The following SH3BP2 variants were observed in gnomAD, a reference collection of about 807,000 sequenced individuals.
SH3BP2 encodes the protein SH3 domain-binding protein 2.
In SH3BP2, 38 loss-of-function variants were observed where a neutral mutation model predicts 56.2. That is an observed-to-expected ratio of 0.68 (90% CI 0.52 to 0.89). SH3BP2 has a LOEUF of 0.89. SH3BP2 is among the 40% of genes least tolerant of loss of function. SH3BP2 has a pLI of 0.00. For missense variants in SH3BP2, 748 were observed against 762.6 expected (o/e 0.98, Z 0.23); for synonymous variants, 346 against 316.7 (o/e 1.09, Z -0.98).
intron 5 of SH3BP2, among the ~76,000 whole-genome samples, chr4:2,825,774 T>A (rs1724581884): frequency 6.6e-6 from 1 of 152,136 alleles, no homozygotes; most frequent in African/African-American, 2.4e-5. Context: ...GCACTTTGGG[T>A]TCCCAGCCCC....
chr4:2,830,139 G>T lies in SH3BP2; in HGVS notation c.1233G>T (p.Pro411=), dbSNP rs752967350. 29 of 1,600,248 alleles carry T rather than the reference G, an allele frequency of 1.8e-5. No individual in the cohort carries two copies. In the South Asian group the frequency reaches 3.2e-4, roughly 18 times the overall value. Residue 411 remains proline, a synonymous_variant, in exon 8 of 13, where the codon CCG becomes CCT. Transcript: ENST00000503393. The part of the protein sequence containing the change: ...VLPRPEKPQL[P]HLQRSPPDGQ... ...CCAGGCCAGAGAAGCCGCAGCTCCC[G>T]CACCTCCAGTGAGTTTGTGTGGCGG...
At chr4:2,816,101 C>T (rs1485347918) in intron 1 of SH3BP2, among the ~76,000 whole-genome samples, 3 of 151,992 alleles carry the variant, frequency 2.0e-5, no homozygotes, top group Admixed American at 6.6e-5. Flanking sequence ...GTTCCCCAGG[C>T]TGGAGTGCAA....
rs570717180 is a variant in SH3BP2, at chr4:2,832,238, G to A, written c.1407-93G>A. 130 of 1,186,638 alleles carry A rather than the reference G, an allele frequency of 1.1e-4. No individual in the cohort carries two copies. The Middle Eastern group carries it at 1.3e-3, about 12-fold the overall frequency. The allele number at this position is 1,186,638 out of a possible 1,614,324, so 73.5% of individuals were successfully genotyped here. A position where few individuals can be genotyped will look rare whatever the true frequency, so the allele number is the denominator to read the frequency against. On this transcript the variant is annotated intron_variant, in intron 10 of 12. Transcript: ENST00000503393. ...GCTCCTGAGACCTACAACAGCGAGAGGACAGAAAGCCAGGCTTGGGAGCGG... is the reference window on the plus strand; with the variant it reads ...GCTCCTGAGACCTACAACAGCGAGAAGACAGAAAGCCAGGCTTGGGAGCGG...
At chr4:2,833,408 G>C (rs1725105172) in intron 12 of SH3BP2, 4 of 580,298 alleles carry the variant, frequency 6.9e-6, no homozygotes. Context: ...CACAGTGCTG[G>C]GATTACAGGC....
In SH3BP2 at chr4:2,829,669, A is replaced by C; in HGVS notation, c.763A>C (p.Lys255Gln). 1 of 1,611,542 alleles carries C rather than the reference A, an allele frequency of 6.2e-7. No homozygotes were observed. Among genetic ancestry groups the C allele is most frequent in the Non-Finnish European group, 8.5e-7 (1 of 1,179,518 alleles). ...PDVGLAAEDS[K>Q]RDPLCPRRAE... ...TGTTGGCCTGGCTGCTGAGGACTCC[A>C]AGAGGGACCCACTGTGCCCGAGGCG... is the stretch of plus-strand genomic sequence containing the variant. The change falls in exon 8 of 13, where the codon AAG becomes CAG. Residue 255 changes from lysine (K) to glutamine (Q), a missense_variant. This residue lies in a region of SH3BP2 where 635 missense variants were observed against 615.0 expected (regional missense o/e 1.03). Coordinates refer to ENST00000503393, the MANE Select transcript of SH3BP2 (RefSeq NM_001122681.2). This position sits in a 1 kb window ranked among gnomAD's most constrained non-coding sequence, Gnocchi z 4.9.
At chr4:2,823,642 C>A in intron 3 of SH3BP2, 1 of 404,824 alleles carries the variant, frequency 2.5e-6, no homozygotes. Context: ...GGGGCCCACA[C>A]AAAGGGTTAA....
intron 1 of SH3BP2, among the ~76,000 whole-genome samples, chr4:2,794,566 TTA>T: frequency 6.6e-6 from 1 of 152,260 alleles, no homozygotes; most frequent in East Asian, 1.9e-4. Flanking sequence ...GTGCCCTGCG[TTA>T]GGCACACCCT....
At chr4:2,813,524 C>A (rs1318716779) in intron 1 of SH3BP2, among the ~76,000 whole-genome samples, 1 of 152,120 alleles carries the variant, frequency 6.6e-6, no homozygotes, top group Non-Finnish European at 1.5e-5. Context: ...TCAGGTGGAC[C>A]CTGGTCGATT....
At chr4:2,825,254 ACCCGGGTGTCCGCCTCCCAGC>A in intron 5 of SH3BP2, 58 bp downstream of exon 5, 1 of 1,403,228 alleles carries the variant, frequency 7.1e-7, no homozygotes, top group East Asian at 2.5e-5. Context: ...CCTGGGCCTG[ACCCGGGTGTCCGCCTCCCAGC>A]CCCGGGCTTG....
chr4:2,797,672 C>T (rs1412943464), intron 1 of SH3BP2, among the ~76,000 whole-genome samples: 13 of 152,202 alleles, frequency 8.5e-5, no homozygotes, highest in Non-Finnish European at 2.9e-5. Context: ...CTATGGCCAC[C>T]ATGCATGTTG....
rs1334993387 is a variant in SH3BP2, at chr4:2,801,910, C to A, written c.-5+8772C>A. On this transcript the variant is annotated intron_variant, in intron 1 of 12. Coordinates refer to ENST00000503393, the MANE Select transcript of SH3BP2 (RefSeq NM_001122681.2). ...ATTAGTTGAGGTCAGGAGTTCAAGA[C>A]CAGCCTGACCACCGTGGTGAAACCC... Among the ~76,000 whole-genome samples the A allele has an allele frequency of 3.3e-5, 5 of 152,018 alleles. No homozygotes were observed. In the East Asian group the frequency reaches 7.7e-4, roughly 23 times the overall value.
intron 1 of SH3BP2, chr4:2,812,483 T>C (rs1723791997): frequency 6.5e-7 from 1 of 1,548,692 alleles, no homozygotes; most frequent in Non-Finnish European, 8.7e-7. Context: ...ATCAGGTCAG[T>C]GGGGCGGCCC....
At position 2,834,143 on chromosome 4, in the gene SH3BP2, A is replaced by C; in HGVS notation, c.*309A>C. ...CAAGGACAGGAACACTGGTCCCCCC[A>C]TCACACTCACCCCTAAGTGGGCTGG... On this transcript the variant is annotated 3_prime_UTR_variant, in exon 13 of 13. Coordinates refer to ENST00000503393, the MANE Select transcript of SH3BP2 (RefSeq NM_001122681.2). 3.2e-5 allele frequency: 11 copies of C among 343,062 alleles called. No homozygotes were observed. Among genetic ancestry groups the C allele is most frequent in the East Asian group, 1.1e-4 (2 of 17,488 alleles). 21.3% of individuals were successfully genotyped at this position (343,062 alleles called of 1,614,324 possible).
intron 1 of SH3BP2, among the ~76,000 whole-genome samples, chr4:2,811,483 C>A (rs933437129): frequency 6.6e-5 from 10 of 152,160 alleles, no homozygotes; most frequent in African/African-American, 2.4e-4. Context: ...AGAGGGAGGG[C>A]GCTCAGCAGC....
chr4:2,819,000 C>G lies in SH3BP2; in HGVS notation c.-4-1614C>G, dbSNP rs539705857. The stretch of plus-strand genomic sequence containing the variant: ...CCCAGACTGGAGAGCAGTGGCCAAT[C>G]ATAGCTTACTGCCTCCTGGAACTCC... On this transcript the variant is annotated intron_variant, in intron 1 of 12. Coordinates refer to ENST00000503393, the MANE Select transcript of SH3BP2 (RefSeq NM_001122681.2). The G allele has an allele frequency of 2.2e-5, 14 of 632,392 alleles. No homozygotes were observed. The African/African-American group carries it at 2.6e-4, about 12-fold the overall frequency. 39.2% of individuals were successfully genotyped at this position (632,392 alleles called of 1,614,324 possible).
chr4:2,832,858 T>C (rs1006519680), intron 11 of SH3BP2, 132 bp from the exon 12 acceptor site: 1 of 883,686 alleles, frequency 1.1e-6, no homozygotes, highest in South Asian at 1.3e-5. Context: ...TGGTCTGGAG[T>C]CCCTCCCCGC....
intron 1 of SH3BP2, chr4:2,818,397 ACCGAGCCCCGGCCC>A (rs921886244): frequency 2.5e-4 from 294 of 1,168,658 alleles, no homozygotes; most frequent in African/African-American, 1.7e-3. Flanking sequence ...CGCCGTGAGT[ACCGAGCCCCGGCCC>A]CCGAGCCCCG....
chr4:2,821,883 T>G (rs1326636194), intron 2 of SH3BP2, among the ~76,000 whole-genome samples: 5 of 151,982 alleles, frequency 3.3e-5, no homozygotes. Flanking sequence ...TATTTATTTT[T>G]TTGAGATGGA....
intron 1 of SH3BP2, among the ~76,000 whole-genome samples, chr4:2,805,372 C>G (rs1472970851): frequency 6.6e-6 from 1 of 152,102 alleles, no homozygotes; most frequent in South Asian, 2.1e-4. Context: ...CCCTGGAGTG[C>G]CCCCCTCCTG....
Sources: gnomAD v4.1 joint callset for allele counts (sites outside exome capture counted in the v4.1 genomes callset) on GRCh38, gnomAD v4.1.1 for gene constraint, gnomAD v4.1.1 regional missense constraint, Gnocchi (gnomAD v3.1) non-coding constraint, MANE v1.5 for transcripts, NCBI Gene and HGNC (gene_info 2026-07-23, HGNC 2026-07-21) for gene names.